SLCO2B1: variants seen among roughly 807,000 people sequenced by gnomAD.
The protein encoded by SLCO2B1 is solute carrier organic anion transporter family member 2B1.
Under a neutral mutation model 67.3 loss-of-function variants are expected in SLCO2B1, and 41 were observed. The observed-to-expected ratio is 0.61, with a 90% confidence interval of 0.47 to 0.79. The LOEUF (loss-of-function observed/expected upper bound fraction) is 0.79, where lower values mean the gene tolerates loss of function less well. SLCO2B1 is among the 30% of genes least tolerant of loss of function. The pLI, the probability that SLCO2B1 is intolerant of heterozygous loss-of-function variation, is 0.00. For synonymous variants in SLCO2B1, 379 were observed against 381.4 expected, an observed-to-expected ratio of 0.99 and a Z score of 0.07; for missense variants, 837 against 920.1, an observed-to-expected ratio of 0.91 and a Z score of 1.17.
At chr11:75,161,164 T>G (rs1243266555) in intron 1 of SLCO2B1, among the ~76,000 whole-genome samples, 1 of 152,194 alleles carries the variant, frequency 6.6e-6, no homozygotes, top group African/African-American at 2.4e-5. Context: ...TTGAAAACAT[T>G]ATGCTAAGTG....
intron 1 of SLCO2B1, among the ~76,000 whole-genome samples, chr11:75,159,402 G>A (rs1325270647): frequency 6.6e-6 from 1 of 152,214 alleles, no homozygotes; most frequent in Non-Finnish European, 1.5e-5. Context: ...ATTCCCGCAG[G>A]CAACCGCCTG....
chr11:75,169,195 G>A lies in SLCO2B1; in HGVS notation c.471G>A (p.Lys157=), dbSNP rs764216015. 1.2e-6 allele frequency: 2 copies of A among 1,613,642 alleles called. No individual in the cohort carries two copies. The change falls in exon 5 of 14, where the codon AAG becomes AAA. Residue 157 remains lysine, a synonymous_variant. Coordinates refer to ENST00000289575, the MANE Select transcript of SLCO2B1 (RefSeq NM_007256.5). ...TSPEDMPQDF[K]ASLCLPTTSA... The stretch of plus-strand genomic sequence containing the variant: ...CAGAGGATATGCCACAGGACTTCAA[G>A]GCTTCCCTGTGCCTGCCCACAACCT...
At chr11:75,161,405 G>A (rs752272721) in intron 1 of SLCO2B1, among the ~76,000 whole-genome samples, 2 of 152,178 alleles carry the variant, frequency 1.3e-5, no homozygotes, top group African/African-American at 2.4e-5. Context: ...AAACCCACTG[G>A]ATTGTGCACT....
intron 10 of SLCO2B1, among the ~76,000 whole-genome samples, chr11:75,198,903 G>A (rs1056817184): frequency 3.3e-5 from 5 of 152,162 alleles, no homozygotes; most frequent in Admixed American, 6.5e-5. Context: ...CAGAAAGATT[G>A]AAGTCATTCA....
chr11:75,196,712 C>CT (rs768211685), intron 10 of SLCO2B1, 33 bp downstream of exon 10: 1 of 1,599,006 alleles, frequency 6.3e-7, no homozygotes, highest in East Asian at 2.2e-5. Flanking sequence ...ACCTCTGCCC[C>CT]TCAGGACTCT....
At position 75,169,883 on chromosome 11, in the gene SLCO2B1, T is replaced by A. The variant is rs1312186764; in HGVS notation, c.781+119T>A. 9 of 710,964 alleles carry A rather than the reference T, an allele frequency of 1.3e-5. No individual in the cohort carries two copies. In the Admixed American group the frequency reaches 2.0e-4, roughly 16 times the overall value. 44.0% of individuals were successfully genotyped at this position (710,964 alleles called of 1,614,324 possible). ...AGCAGCACCACTGACCTTGGGCAAG[T>A]CTCTTAGCCTCTCTGAACCTCAGCT... is the stretch of plus-strand genomic sequence containing the variant. On this transcript the variant is annotated intron_variant, in intron 6 of 13. Coordinates refer to ENST00000289575, the MANE Select transcript of SLCO2B1 (RefSeq NM_007256.5).
intron 1 of SLCO2B1, chr11:75,159,829 C>T: frequency 2.0e-6 from 2 of 985,370 alleles, no homozygotes; most frequent in Non-Finnish European, 2.4e-6. Flanking sequence ...GGCTTTGAGC[C>T]TTGGCAGAAA....
intron 13 of SLCO2B1, 102 bp from the exon 14 acceptor site, chr11:75,204,298 C>T: frequency 8.1e-7 from 1 of 1,237,438 alleles, no homozygotes; most frequent in South Asian, 1.5e-5. Flanking sequence ...CAATGTCTCC[C>T]TGAGGCCTCA....
chr11:75,159,582 G>A (rs1276714471), intron 1 of SLCO2B1, among the ~76,000 whole-genome samples: 5 of 152,222 alleles, frequency 3.3e-5, no homozygotes, highest in African/African-American at 1.2e-4. Flanking sequence ...GGGAGGCGAA[G>A]GTTTGCTGTC....
At chr11:75,198,743 C>T (rs1006853007) in intron 10 of SLCO2B1, among the ~76,000 whole-genome samples, 3 of 152,190 alleles carry the variant, frequency 2.0e-5, no homozygotes, top group African/African-American at 7.2e-5. Flanking sequence ...GGATTGTGAA[C>T]ATCTTGGCTC....
In SLCO2B1 at chr11:75,196,633, C is replaced by T; in HGVS notation, c.1553C>T (p.Ala518Val). The change falls in exon 10 of 14, where the codon GCA (alanine) becomes GTA (valine). Residue 518 changes from alanine to valine, a missense_variant. Physicochemically the swap from Ala to Val is moderately conservative, Grantham distance 64. Coordinates refer to ENST00000289575, the MANE Select transcript of SLCO2B1 (RefSeq NM_007256.5). ...GTGGAATACATCACACCCTGCCACG[C>T]AGGCTGCTCAAGCTGGGTGGTCCAG... ...TRVEYITPCHAGCSSWVVQDA... is the reference protein window; with the variant it reads ...TRVEYITPCHVGCSSWVVQDA... 1.2e-6 allele frequency: 2 copies of T among 1,614,022 alleles called. No homozygotes were observed. Among genetic ancestry groups the T allele is most frequent in the Non-Finnish European group, 1.7e-6 (2 of 1,180,024 alleles).
In SLCO2B1 at chr11:75,164,092, T is replaced by G; in HGVS notation, c.277T>G (p.Phe93Val). ...SSQTSGLLASFNEVGNTALIV... is the reference protein window; with the variant it reads ...SSQTSGLLASVNEVGNTALIV... Reference sequence around the variant, plus strand: ...CCAGACGTCGGGGCTGCTGGCCTCCTTCAACGAGGTACAGGCCCCACCCAG... The same window carrying G: ...CCAGACGTCGGGGCTGCTGGCCTCCGTCAACGAGGTACAGGCCCCACCCAG... The change falls in exon 3 of 14, where the codon TTC becomes GTC. Residue 93 changes from phenylalanine (F) to valine (V), a missense_variant. Physicochemically the swap from Phe to Val is conservative, Grantham distance 50. Coordinates refer to ENST00000289575, the MANE Select transcript of SLCO2B1 (RefSeq NM_007256.5). 1 of 1,607,458 alleles carries G rather than the reference T, an allele frequency of 6.2e-7. No individual in the cohort carries two copies.
rs149636191 is a variant in SLCO2B1, at chr11:75,193,912, G to C, written c.1433+337G>C. 1.0e-2 allele frequency among the ~76,000 whole-genome samples: 1,520 copies of C among 152,276 alleles called. 25 individuals carry two copies. Among genetic ancestry groups the C allele is most frequent in the African/African-American group, 0.032 (1,344 of 41,560 alleles). On this transcript the variant is annotated intron_variant, in intron 9 of 13. Transcript: ENST00000289575. The surrounding 1 kb of genome is among the most constrained non-coding windows in gnomAD (Gnocchi z 4.2). ...CTGTGGGCCCAACAGAGATGAGCCA[G>C]AGGCTACATCACAGGAGCCAGGACC...
At chr11:75,178,705 G>A (rs923435556) in intron 7 of SLCO2B1, among the ~76,000 whole-genome samples, 12 of 152,038 alleles carry the variant, frequency 7.9e-5, no homozygotes, top group African/African-American at 2.4e-4. Flanking sequence ...GTTATTAACT[G>A]GACTCATCAT....
chr11:75,170,491 G>A (rs763653363), intron 6 of SLCO2B1, among the ~76,000 whole-genome samples: 3 of 152,156 alleles, frequency 2.0e-5, no homozygotes, highest in Admixed American at 6.5e-5. Flanking sequence ...GTTAGAGCAC[G>A]TCACTGTGGC....
At chr11:75,187,995 CT>C in intron 7 of SLCO2B1, 140 bp from the exon 8 acceptor site, 1 of 593,802 alleles carries the variant, frequency 1.7e-6, no homozygotes, top group Non-Finnish European at 3.0e-6. Flanking sequence ...AAATGGAACA[CT>C]GCAGGCCTCA....
At position 75,193,482 on chromosome 11, in the gene SLCO2B1, T is replaced by C. The variant is rs763008797; in HGVS notation, c.1340T>C (p.Leu447Pro). Residue 447 changes from leucine (L) to proline (P), a missense_variant, in exon 9 of 14, where the codon CTG becomes CCG. By Grantham distance (98) the Leu-to-Pro change is moderately conservative. Coordinates refer to ENST00000289575, the MANE Select transcript of SLCO2B1 (RefSeq NM_007256.5). This position sits in a 1 kb window ranked among gnomAD's most constrained non-coding sequence, Gnocchi z 4.2. ...LGPVGCGALC[L>P]LGMLLCLFFS... ...CCTGTGGGATGCGGTGCCCTTTGCCTGCTGGGGATGCTGCTGTGCCTCTTC... is the reference window on the plus strand; with the variant it reads ...CCTGTGGGATGCGGTGCCCTTTGCCCGCTGGGGATGCTGCTGTGCCTCTTC... The C allele has an allele frequency of 2.4e-5, 39 of 1,610,310 alleles. 1 individual carries two copies. The highest frequency in any genetic ancestry group is 1.2e-4 in the Admixed American group (7 of 59,858).
chr11:75,184,018 C>T (rs1565543721), intron 7 of SLCO2B1, among the ~76,000 whole-genome samples: 1 of 152,202 alleles, frequency 6.6e-6, no homozygotes, highest in African/African-American at 2.4e-5. Context: ...AGTGGCCTGG[C>T]ATGTCCTGGA....
At chr11:75,183,428 G>A (rs777068088) in intron 7 of SLCO2B1, among the ~76,000 whole-genome samples, 7 of 152,160 alleles carry the variant, frequency 4.6e-5, no homozygotes, top group African/African-American at 7.2e-5. Context: ...ATAAGACATG[G>A]TAGGATTTCA....
Sources: allele counts gnomAD v4.1 joint callset (sites outside exome capture counted in the v4.1 genomes callset), GRCh38; gene constraint gnomAD v4.1.1; non-coding constraint Gnocchi (gnomAD v3.1); transcripts MANE v1.5; gene names NCBI Gene and HGNC (gene_info 2026-07-23, HGNC 2026-07-21).